The following TSPAN1 variants were observed in gnomAD, a reference collection of about 807,000 sequenced individuals.
The protein encoded by TSPAN1 is tetraspanin-1.
In TSPAN1, 23 loss-of-function variants were observed where a neutral mutation model predicts 26.9. The ratio of observed to expected loss-of-function variants is 0.85; its 90% CI spans 0.62 to 1.21. The LOEUF is 1.21. Ranked by LOEUF, TSPAN1 falls within the 50% of genes most tolerant of loss-of-function variation. TSPAN1 has a pLI of 0.00. For missense variants in TSPAN1, 283 were observed against 298.4 expected (o/e 0.95, Z 0.38); for synonymous variants, 115 against 114.8 (o/e 1.00, Z -0.01).
chr1:46,190,872 C>T (rs1281454977), downstream of TSPAN1: 4 of 1,248,980 alleles, frequency 3.2e-6, no homozygotes, highest in African/African-American at 4.4e-5. Context: ...ATAAGACACA[C>T]AAATGAAGTC....
chr1:46,194,514 A>C, the TSPAN1 span: 1 of 1,613,980 alleles, frequency 6.2e-7, no homozygotes, highest in Non-Finnish European at 8.5e-7. Context: ...GCCCACCCCC[A>C]GCCCAGGCCC....
chr1:46,192,976 C>A, the TSPAN1 span: 1 of 1,614,138 alleles, frequency 6.2e-7, no homozygotes, highest in Non-Finnish European at 8.5e-7. Context: ...GGGAATGGGA[C>A]ATCATGGTCC....
the TSPAN1 span, chr1:46,194,934 T>C: frequency 2.5e-6 from 4 of 1,614,022 alleles, no homozygotes; most frequent in African/African-American, 5.3e-5. Context: ...GCCTTGGCTG[T>C]GTCCTTGAGG....
At position 46,179,218 on chromosome 1, in the gene TSPAN1, G is replaced by A. The variant is rs370154794; in HGVS notation, c.-141-1308G>A. ...ACCTGTGGTCCCAGCTACTTGGGAG[G>A]CTGAGGATCATTTGAGCTCAGGAGG... On this transcript the variant is annotated intron_variant, in intron 1 of 8. Coordinates refer to ENST00000372003, the MANE Select transcript of TSPAN1 (RefSeq NM_005727.4). 6.5e-4 allele frequency among the ~76,000 whole-genome samples: 98 copies of A among 151,892 alleles called. 2 individuals are homozygous for A. In the South Asian group the frequency reaches 0.019, roughly 29 times the overall value.
chr1:46,193,396 A>AC, the TSPAN1 span: 3 of 1,610,586 alleles, frequency 1.9e-6, no homozygotes, highest in Admixed American at 3.4e-5. Flanking sequence ...TTCCTGGGGG[A>AC]CATGGCCACT....
chr1:46,189,367 T>G (rs773132049), downstream of TSPAN1: 3 of 1,613,910 alleles, frequency 1.9e-6, no homozygotes, highest in Admixed American at 5.0e-5. Flanking sequence ...TCTGGGAAAA[T>G]AATACAAGAA....
intron 1 of TSPAN1, chr1:46,176,147 T>C: frequency 6.7e-7 from 1 of 1,482,670 alleles, no homozygotes. Flanking sequence ...AGTGCCGGGA[T>C]TACAGGCATG....
chr1:46,176,429 T>A, intron 1 of TSPAN1: 2 of 1,535,738 alleles, frequency 1.3e-6, no homozygotes. Flanking sequence ...GGGGAACGCA[T>A]GCCCTGGGGC....
chr1:46,194,537 G>A, the TSPAN1 span: 4 of 1,613,868 alleles, frequency 2.5e-6, no homozygotes, highest in Non-Finnish European at 3.4e-6. Flanking sequence ...CCCCATCCAT[G>A]CTCCACTAAC....
the TSPAN1 span, chr1:46,194,701 G>C: frequency 3.1e-6 from 5 of 1,614,066 alleles, no homozygotes; most frequent in East Asian, 8.9e-5. Flanking sequence ...ACCAGTTTGG[G>C]GGCTTTTTCC....
chr1:46,184,942 C>G lies in TSPAN1; in HGVS notation c.439-18C>G. On this transcript the variant is annotated intron_variant, in intron 6 of 8. Transcript: ENST00000372003. ...AGAAAGAAGCAAGGCCCCACCTCCA[C>G]CCTCATCTTGTCTCCAGCTCAAGTG... The G allele has an allele frequency of 6.2e-7, 1 of 1,614,180 alleles. No individual in the cohort carries two copies. Among genetic ancestry groups the G allele is most frequent in the South Asian group, 1.1e-5 (1 of 91,082 alleles).
At chr1:46,188,835 G>C, downstream of TSPAN1, 1 of 1,612,924 alleles carries the variant, frequency 6.2e-7, no homozygotes, top group Non-Finnish European at 8.5e-7. Context: ...CCTGTCCATG[G>C]GTTGGGCACA....
the TSPAN1 span, chr1:46,191,227 C>G: frequency 2.5e-5 from 7 of 278,348 alleles, no homozygotes; most frequent in Admixed American, 3.3e-4. Context: ...AGGAATGGGG[C>G]TCGCGTATTA....
chr1:46,188,969 T>G, downstream of TSPAN1: 3 of 1,610,296 alleles, frequency 1.9e-6, no homozygotes, highest in Non-Finnish European at 2.5e-6. Flanking sequence ...TAGGTTAGAT[T>G]CTGAGCCAGG....
intron 7 of TSPAN1, 22 bp downstream of exon 7, chr1:46,185,137 T>C: frequency 6.2e-7 from 1 of 1,613,914 alleles, no homozygotes; most frequent in Non-Finnish European, 8.5e-7. Flanking sequence ...CATGAGTGGG[T>C]GGGGACTGTT....
At chr1:46,194,702 G>A in the TSPAN1 span, 1 of 1,614,088 alleles carries the variant, frequency 6.2e-7, no homozygotes, top group Non-Finnish European at 8.5e-7. Context: ...CCAGTTTGGG[G>A]GCTTTTTCCC....
At chr1:46,177,335 CAAAA>C (rs200620983) in intron 1 of TSPAN1, among the ~76,000 whole-genome samples, 126 of 138,064 alleles carry the variant, frequency 9.1e-4, no homozygotes, top group African/African-American at 3.0e-3. Flanking sequence ...AACTCTGTCT[CAAAA>C]AAAAAAAAAA....
the TSPAN1 span, chr1:46,192,887 A>G: frequency 1.2e-6 from 2 of 1,614,086 alleles, no homozygotes. Flanking sequence ...TGAAACCTAG[A>G]GACTCCCCTC....
At chr1:46,175,468 C>T (rs1395838428) in intron 1 of TSPAN1, 59 bp downstream of exon 1, 2 of 397,482 alleles carry the variant, frequency 5.0e-6, no homozygotes, top group East Asian at 7.1e-5. Context: ...GTTAACACCT[C>T]TGTGTGGAAT....
Sources: gnomAD v4.1 joint callset for allele counts (sites outside exome capture counted in the v4.1 genomes callset) on GRCh38, gnomAD v4.1.1 for gene constraint, MANE v1.5 for transcripts, NCBI Gene and HGNC (gene_info 2026-07-23, HGNC 2026-07-21) for gene names.